The following MPHOSPH9 variants were observed in gnomAD, a reference collection of about 807,000 sequenced individuals.
The protein encoded by MPHOSPH9 is M-phase phosphoprotein 9.
In MPHOSPH9, 88 loss-of-function variants were observed where a neutral mutation model predicts 145.5. The observed-to-expected ratio is 0.60, with a 90% CI of 0.51 to 0.72. MPHOSPH9 has a LOEUF of 0.72. Among genes scored for constraint, MPHOSPH9 ranks in the 30% least tolerant of loss-of-function variants. The pLI is 0.00. For synonymous variants in MPHOSPH9, 435 were observed against 486.2 expected (o/e 0.89, Z 1.39); for missense variants, 1,238 against 1,386.6 (o/e 0.89, Z 1.70).
At chr12:123,164,752 C>G (rs1166573084) in intron 18 of MPHOSPH9, among the ~76,000 whole-genome samples, 5 of 152,128 alleles carry the variant, frequency 3.3e-5, no homozygotes. Context: ...TGTGTTTACA[C>G]TTTGTGTTGT....
rs1324560940 is a variant in MPHOSPH9 at position 123,230,334 on chromosome 12, G to A, written c.31C>T (p.His11Tyr). MEEFDLVKTL[H>Y]KTSSSVGSDE... ...GATCCTACAGAAGATGAAGTTTTGT[G>A]TAAGGTTTTCACCAAGTCAAACTCT... The change falls in exon 2 of 24, where the codon CAC (histidine) becomes TAC (tyrosine). Residue 11 changes from histidine (H) to tyrosine (Y), a missense_variant. This residue lies in a region of MPHOSPH9 where 837 missense variants were observed against 897.5 expected (regional missense o/e 0.93). Transcript: ENST00000606320. 3 of 1,533,542 alleles carry A rather than the reference G, an allele frequency of 2.0e-6. No individual in the cohort carries two copies. The highest frequency in any genetic ancestry group is 2.5e-5 in the East Asian group (1 of 40,816). The allele number at this position is 1,533,542 out of a possible 1,614,324, so 95.0% of individuals were successfully genotyped here.
Position 123,176,724 on chromosome 12 carries a change from T to C in MPHOSPH9, c.2420A>G (p.His807Arg). The change falls in exon 16 of 24, where the codon CAT (histidine) becomes CGT (arginine). Residue 807 changes from histidine to arginine, a missense_variant. Transcript: ENST00000606320. ...VEHENMLSLR[H>R]NSRIHVRPSR... is the part of the protein sequence containing the mutation. ...GGGTCTCACGTGAATTCTAGAATTA[T>C]GACGAAGGCTTAACATATTTTCATG... is the stretch of plus-strand genomic sequence containing the variant. The C allele has an allele frequency of 2.5e-6, 4 of 1,614,084 alleles. No homozygotes were observed. The highest frequency in any genetic ancestry group is 3.4e-6 in the Non-Finnish European group (4 of 1,179,990).
intron 13 of MPHOSPH9, among the ~76,000 whole-genome samples, chr12:123,183,031 T>C (rs1477155761): frequency 1.3e-5 from 2 of 150,834 alleles, no homozygotes; most frequent in Admixed American, 1.3e-4. Context: ...CTGGCCAATA[T>C]GGTAAAACTC....
chr12:123,240,074 C>A (rs2047907580), intron 1 of MPHOSPH9, among the ~76,000 whole-genome samples: 1 of 152,016 alleles, frequency 6.6e-6, no homozygotes. Flanking sequence ...GTTAGAAATG[C>A]AGAGCCTCGC....
intron 16 of MPHOSPH9, among the ~76,000 whole-genome samples, chr12:123,170,111 G>A (rs1426582431): frequency 2.7e-5 from 4 of 150,676 alleles, no homozygotes; most frequent in Admixed American, 2.6e-4. Flanking sequence ...CCGAGCAGCT[G>A]GGACTACAGG....
In MPHOSPH9 at chr12:123,218,544, G is replaced by A. The variant is rs746167964; in HGVS notation, c.873-45C>T. The A allele has an allele frequency of 4.4e-6, 7 of 1,584,058 alleles. No individual in the cohort carries two copies. In the Admixed American group the frequency reaches 1.0e-4, roughly 23 times the overall value. Reference sequence around the variant, plus strand: ...CAAAATTACTTTTTTTTTTTGTTTTGAGACAGAGTCTTGCTGTGTCGCCCA... The same window carrying A: ...CAAAATTACTTTTTTTTTTTGTTTTAAGACAGAGTCTTGCTGTGTCGCCCA... On this transcript the variant is annotated intron_variant, in intron 5 of 23. Transcript: ENST00000606320.
At chr12:123,240,170 C>T (rs2047909018) in intron 1 of MPHOSPH9, among the ~76,000 whole-genome samples, 1 of 150,174 alleles carries the variant, frequency 6.7e-6, no homozygotes, top group African/African-American at 2.5e-5. Flanking sequence ...TCGAGACCAC[C>T]CTGACCAACA....
upstream of MPHOSPH9, among the ~76,000 whole-genome samples, chr12:123,238,039 G>T (rs1234595078): frequency 6.6e-6 from 1 of 151,916 alleles, no homozygotes; most frequent in Non-Finnish European, 1.5e-5. Context: ...GGGACTACAG[G>T]TGCACACCAC....
chr12:123,226,449 T>TA (rs1468433466), intron 3 of MPHOSPH9: 4 of 331,376 alleles, frequency 1.2e-5, no homozygotes, highest in East Asian at 1.4e-4. Flanking sequence ...AACATTTCTA[T>TA]AAAAAACTAT....
chr12:123,216,220 G>A (rs1469802648), intron 6 of MPHOSPH9, among the ~76,000 whole-genome samples: 1 of 152,048 alleles, frequency 6.6e-6, no homozygotes, highest in East Asian at 1.9e-4. Flanking sequence ...ACGCTTTTGT[G>A]GTTCATAGAG....
chr12:123,211,136 C>T (rs1345404637), intron 7 of MPHOSPH9, among the ~76,000 whole-genome samples: 2 of 152,042 alleles, frequency 1.3e-5, no homozygotes, highest in Admixed American at 6.6e-5. Context: ...AGGAATGCAC[C>T]ATCACGCCCT....
downstream of MPHOSPH9, chr12:123,152,995 C>G (rs1361269364): frequency 6.4e-6 from 1 of 155,384 alleles, no homozygotes; most frequent in Non-Finnish European, 1.4e-5. Context: ...GTGCAGAGTT[C>G]AGATTTCAAG....
intron 13 of MPHOSPH9, among the ~76,000 whole-genome samples, chr12:123,193,108 TACACACACACACACACACAC>T (rs4044136): frequency 1.1e-5 from 1 of 94,896 alleles, no homozygotes; most frequent in Admixed American, 1.4e-4. Flanking sequence ...TATATATATA[TACACACACACACACACACAC>T]ACACACACAC....
At chr12:123,243,237 T>TTA (rs1484392479) in intron 1 of MPHOSPH9, among the ~76,000 whole-genome samples, 1 of 149,772 alleles carries the variant, frequency 6.7e-6, no homozygotes, top group Non-Finnish European at 1.5e-5. Flanking sequence ...TTAAAACAAT[T>TTA]TTTTTTTTTT....
chr12:123,206,615 A>G (rs373011053), intron 8 of MPHOSPH9, among the ~76,000 whole-genome samples: 1 of 151,878 alleles, frequency 6.6e-6, no homozygotes, highest in African/African-American at 2.4e-5. Flanking sequence ...TAAAGTATGC[A>G]TAAGAGTTAT....
chr12:123,236,481 T>TA (rs2047851914), upstream of MPHOSPH9, among the ~76,000 whole-genome samples: 1 of 151,614 alleles, frequency 6.6e-6, no homozygotes, highest in Admixed American at 6.6e-5. Context: ...TGGCCCCAGC[T>TA]ACTGGGGAGG....
intron 18 of MPHOSPH9, 147 bp downstream of exon 18, chr12:123,165,155 G>GAAT (rs1410682699): frequency 4.6e-6 from 3 of 648,982 alleles, no homozygotes; most frequent in Admixed American, 6.0e-5. Context: ...AATTCTCTAT[G>GAAT]AAACGGGGCT....
At chr12:123,162,833 A>G in intron 20 of MPHOSPH9, 181 bp downstream of exon 20, 1 of 528,668 alleles carries the variant, frequency 1.9e-6, no homozygotes, top group East Asian at 3.5e-5. Context: ...ACATAGTTAA[A>G]AACTGTGTTC....
At chr12:123,188,630 C>T (rs1166183072) in intron 13 of MPHOSPH9, among the ~76,000 whole-genome samples, 1 of 152,018 alleles carries the variant, frequency 6.6e-6, no homozygotes, top group African/African-American at 2.4e-5. Flanking sequence ...GGCGGATCAC[C>T]TGAGGTCAGG....
Sources: allele counts gnomAD v4.1 joint callset (sites outside exome capture counted in the v4.1 genomes callset), GRCh38; gene constraint gnomAD v4.1.1; regional missense constraint gnomAD v4.1.1; transcripts MANE v1.5; gene names NCBI Gene and HGNC (gene_info 2026-07-23, HGNC 2026-07-21).